Variants in CDH26 observed in about 807,000 individuals in gnomAD.
CDH26 encodes cadherin-like protein 26.
A neutral mutation model predicts 90.3 loss-of-function variants in CDH26; 83 were observed. That is an observed-to-expected ratio of 0.92 (90% CI 0.77 to 1.10). CDH26 has a LOEUF of 1.10. Ranked by LOEUF, CDH26 falls within the 50% of genes least tolerant of loss-of-function variation. The probability of loss-of-function intolerance (pLI) is 0.00; values close to 1 mark genes in which losing one functional copy is unlikely to be tolerated. For missense variants in CDH26, 1,013 were observed against 1,037.6 expected, an observed-to-expected ratio of 0.98 and a Z score of 0.33; for synonymous variants, 397 against 396.3, an observed-to-expected ratio of 1.00 and a Z score of -0.02.
At chr20:60,019,889 T>C (rs550624450) in intron 7 of CDH26, among the ~76,000 whole-genome samples, 2 of 152,144 alleles carry the variant, frequency 1.3e-5, no homozygotes, top group African/African-American at 4.8e-5. Flanking sequence ...GGTTTTGGGG[T>C]GTTGGTTTGA....
At position 59,984,993 on chromosome 20, in the gene CDH26, C is replaced by T; in HGVS notation, c.709-8C>T. The T allele has an allele frequency of 6.2e-7, 1 of 1,611,104 alleles. No individual in the cohort carries two copies. Reference sequence around the variant, plus strand: ...GAGGGGCTTAACTTTCCTTTTCCTCCCACATAGACCGCTCCTCAGTTTACA... The same window carrying T: ...GAGGGGCTTAACTTTCCTTTTCCTCTCACATAGACCGCTCCTCAGTTTACA... On this transcript the variant is annotated splice_region_variant and splice_polypyrimidine_tract_variant and intron_variant, in intron 6 of 17. Coordinates refer to ENST00000348616, the MANE Select transcript of CDH26 (RefSeq NM_177980.4).
rs2092929 is a variant in CDH26, at chr20:59,999,482, A to G, written c.2020-104A>G. On this transcript the variant is annotated intron_variant, in intron 13 of 17. Transcript: ENST00000348616. Reference sequence around the variant, plus strand: ...GTCTGGACTTCTTCTGTGATGGCATAGATACAATGTGTTTTGGAGAAAATG... The same window carrying G: ...GTCTGGACTTCTTCTGTGATGGCATGGATACAATGTGTTTTGGAGAAAATG... 14,369 of 918,946 alleles carry G rather than the reference A, an allele frequency of 0.016. 1,343 individuals carry two copies. The African/African-American group carries it at 0.2, about 13-fold the overall frequency. 56.9% of individuals were successfully genotyped at this position (918,946 alleles called of 1,614,324 possible).
chr20:60,012,048 A>G (rs1051457732), intron 17 of CDH26, among the ~76,000 whole-genome samples: 9 of 152,096 alleles, frequency 5.9e-5, no homozygotes, highest in Non-Finnish European at 1.2e-4. Flanking sequence ...CCTTTCTTGC[A>G]GGGAGGCTGT....
chr20:60,019,209 T>G (rs904406727), downstream of CDH26, among the ~76,000 whole-genome samples: 4 of 152,166 alleles, frequency 2.6e-5, no homozygotes, highest in Non-Finnish European at 4.4e-5. Context: ...TTGGAGTGAA[T>G]CTATTTGGAG....
intron 11 of CDH26, among the ~76,000 whole-genome samples, chr20:59,995,145 C>T (rs1427726583): frequency 1.3e-5 from 2 of 152,190 alleles, no homozygotes; most frequent in African/African-American, 2.4e-5. Flanking sequence ...TAAAGCACTT[C>T]GCCTTGCCCA....
chr20:59,985,170 A>G (rs765495743), intron 7 of CDH26, 41 bp downstream of exon 7: 2 of 1,609,742 alleles, frequency 1.2e-6, no homozygotes, highest in Non-Finnish European at 1.7e-6. Flanking sequence ...GCCCCAAAAC[A>G]AGTAGCCCTT....
At chr20:59,960,057 C>T (rs1023295565) in intron 1 of CDH26, among the ~76,000 whole-genome samples, 6 of 152,188 alleles carry the variant, frequency 3.9e-5, no homozygotes, top group African/African-American at 1.2e-4. Context: ...GGCTGCTTGG[C>T]GTCCTGACCT....
chr20:60,018,773 T>C (rs1327858099), downstream of CDH26, among the ~76,000 whole-genome samples: 5 of 134,138 alleles, frequency 3.7e-5, no homozygotes, highest in Admixed American at 2.4e-4. Context: ...GAGCTTTTAT[T>C]ACTTTTTTTC....
chr20:59,985,124 G>A lies in CDH26; in HGVS notation c.832G>A (p.Glu278Lys), dbSNP rs925659182. The part of the protein sequence containing the change: ...GNNHRPAFTQ[E>K]NYKVQIPEGR... ...CAACCACAGGCCTGCATTTACCCAG[G>A]AGAACGTGAGGCTCCTGGGCCGCCC... The change falls in exon 7 of 18, where the codon GAG (glutamate) becomes AAG (lysine). Residue 278 changes from glutamate to lysine, a missense_variant. Coordinates refer to ENST00000348616, the MANE Select transcript of CDH26 (RefSeq NM_177980.4). The A allele has an allele frequency of 6.2e-7, 1 of 1,612,988 alleles. No individual in the cohort carries two copies. The highest frequency in any genetic ancestry group is 1.3e-5 in the African/African-American group (1 of 74,988).
chr20:60,025,853 A>G (rs1336408818), intron 7 of CDH26, among the ~76,000 whole-genome samples: 1 of 152,114 alleles, frequency 6.6e-6, no homozygotes, highest in Non-Finnish European at 1.5e-5. Context: ...TTATCAAAAC[A>G]CCCTTAAACC....
rs552618257 is a variant in CDH26, at chr20:59,980,267, C to G, written c.394-2656C>G. Reference sequence around the variant, plus strand: ...TTTTTGGAGAGGTGTCTGTTCAAACCCTTTGCCCATTTTAAAATTGTATTG... The same window carrying G: ...TTTTTGGAGAGGTGTCTGTTCAAACGCTTTGCCCATTTTAAAATTGTATTG... On this transcript the variant is annotated intron_variant, in intron 4 of 17. Transcript: ENST00000348616. 2.6e-4 allele frequency among the ~76,000 whole-genome samples: 40 copies of G among 151,318 alleles called. No individual in the cohort carries two copies. The South Asian group carries it at 8.4e-3, about 32-fold the overall frequency.
intron 7 of CDH26, among the ~76,000 whole-genome samples, chr20:60,025,968 G>C (rs892580306): frequency 6.6e-6 from 1 of 152,216 alleles, no homozygotes; most frequent in African/African-American, 2.4e-5. Context: ...TGGACCTTAT[G>C]TGCTGGACAC....
At chr20:60,011,129 G>A (rs542275975) in intron 17 of CDH26, among the ~76,000 whole-genome samples, 1 of 152,250 alleles carries the variant, frequency 6.6e-6, no homozygotes, top group Non-Finnish European at 1.5e-5. Context: ...CATTGGCCAT[G>A]GGGCTGGAGG....
intron 15 of CDH26, among the ~76,000 whole-genome samples, chr20:60,002,302 T>C (rs1205627975): frequency 1.3e-5 from 2 of 151,954 alleles, no homozygotes; most frequent in Admixed American, 6.5e-5. Context: ...AATGTTGGGT[T>C]CCATGTCCTT....
chr20:60,026,425 AGG>A (rs10691802), intron 7 of CDH26, among the ~76,000 whole-genome samples: 1 of 145,052 alleles, frequency 6.9e-6, no homozygotes, highest in Non-Finnish European at 1.5e-5. Context: ...AGAGAGAGAG[AGG>A]GAGAAGAGGA....
At chr20:60,012,198 T>G (rs1601207072) in intron 17 of CDH26, among the ~76,000 whole-genome samples, 2 of 150,316 alleles carry the variant, frequency 1.3e-5, no homozygotes, top group Non-Finnish European at 1.5e-5. Context: ...GAAGGGGAGG[T>G]GTCCAGGGCA....
intron 7 of CDH26, among the ~76,000 whole-genome samples, chr20:60,029,595 T>C (rs2062025475): frequency 6.6e-6 from 1 of 152,094 alleles, no homozygotes; most frequent in Admixed American, 6.5e-5. Context: ...TTTTAAGCCC[T>C]GCATGCATTA....
chr20:60,012,015 G>C (rs977016958), intron 17 of CDH26, among the ~76,000 whole-genome samples: 1 of 152,240 alleles, frequency 6.6e-6, no homozygotes, highest in Middle Eastern at 3.4e-3. Context: ...GGTGAGAAAG[G>C]GGTGGCAGGA....
At chr20:59,971,917 A>C in intron 3 of CDH26, 45 bp from the exon 4 acceptor site, 14 of 1,494,232 alleles carry the variant, frequency 9.4e-6, no homozygotes, top group Middle Eastern at 1.7e-4. Context: ...ATAGTGGCTT[A>C]TTCTCATCCT....
Sources: allele counts gnomAD v4.1 joint callset (sites outside exome capture counted in the v4.1 genomes callset), GRCh38; gene constraint gnomAD v4.1.1; transcripts MANE v1.5; gene names NCBI Gene and HGNC (gene_info 2026-07-23, HGNC 2026-07-21).